MCM5: variants seen among roughly 807,000 people sequenced by gnomAD.
The protein encoded by MCM5 is minichromosome maintenance complex component 5, also known as DNA replication licensing factor MCM5.
Under a neutral mutation model 79.9 loss-of-function variants are expected in MCM5, and 46 were observed. The observed-to-expected ratio is 0.58, with a 90% CI of 0.45 to 0.74. MCM5 has a LOEUF of 0.74. Among genes scored for constraint, MCM5 ranks in the 30% least tolerant of loss-of-function variants. The pLI is 0.00. For synonymous variants in MCM5, 404 were observed against 390.5 expected (o/e 1.03, Z -0.41); for missense variants, 883 against 1,017.0 (o/e 0.87, Z 1.79).
In MCM5 at chr22:35,406,568, C is replaced by T; in HGVS notation, c.439C>T (p.His147Tyr). Reference sequence around the variant, plus strand: ...TCTATTACAGTCGGACATGATGTCACACCTGGTGAAGATCCCTGGCATCAT... The same window carrying T: ...TCTATTACAGTCGGACATGATGTCATACCTGGTGAAGATCCCTGGCATCAT... ...IRSLKSDMMS[H>Y]LVKIPGIIIA... Residue 147 changes from histidine to tyrosine, a missense_variant, in exon 5 of 17, where the codon CAC (histidine) becomes TAC (tyrosine). This residue lies in a region of MCM5 where 455 missense variants were observed against 517.5 expected (regional missense o/e 0.88). Coordinates refer to ENST00000216122, the MANE Select transcript of MCM5 (RefSeq NM_006739.4). 1 of 1,613,670 alleles carries T rather than the reference C, an allele frequency of 6.2e-7. No individual in the cohort carries two copies. Among genetic ancestry groups the T allele is most frequent in the Admixed American group, 1.7e-5 (1 of 59,972 alleles).
intron 10 of MCM5, 115 bp from the exon 11 acceptor site, chr22:35,416,224 G>T: frequency 1.8e-6 from 2 of 1,095,920 alleles, no homozygotes; most frequent in Admixed American, 3.6e-5. Flanking sequence ...GCTGCCATTG[G>T]CCTTGCGTGG....
rs763729545 is a variant in MCM5, at chr22:35,403,254, T to C, written c.215T>C (p.Val72Ala). The change falls in exon 3 of 17, where the codon GTG becomes GCG. Residue 72 changes from valine (V) to alanine (A), a missense_variant. Val to Ala is a moderately conservative substitution (Grantham distance 64). Around this residue, in one of 3 missense-constraint regions of MCM5, gnomAD observed 455 missense variants for 517.5 expected, o/e 0.88. Coordinates refer to ENST00000216122, the MANE Select transcript of MCM5 (RefSeq NM_006739.4). ...HYNLGEYWIE[V>A]EMEDLASFDE... Reference sequence around the variant, plus strand: ...AACCTGGGGGAGTACTGGATTGAGGTGGAGATGGAGGATCTGGCCAGCTTT... The same window carrying C: ...AACCTGGGGGAGTACTGGATTGAGGCGGAGATGGAGGATCTGGCCAGCTTT... The C allele has an allele frequency of 6.2e-7, 1 of 1,614,010 alleles. No homozygotes were observed. Among genetic ancestry groups the C allele is most frequent in the South Asian group, 1.1e-5 (1 of 91,068 alleles).
chr22:35,423,086 C>G, intron 15 of MCM5, 128 bp from the exon 16 acceptor site: 1 of 1,008,788 alleles, frequency 9.9e-7, no homozygotes, highest in Non-Finnish European at 1.4e-6. Flanking sequence ...CTGGCACACT[C>G]GGTGCCCTTT....
chr22:35,444,505 G>A, the MCM5 span, among the ~76,000 whole-genome samples: 24 of 152,148 alleles, frequency 1.6e-4, no homozygotes, highest in Admixed American at 1.4e-3. Context: ...CTCCTGGGCT[G>A]TCGCGGCCCA....
chr22:35,451,538 C>A, the MCM5 span, among the ~76,000 whole-genome samples: 3 of 152,250 alleles, frequency 2.0e-5, no homozygotes, highest in African/African-American at 7.2e-5. Flanking sequence ...AGACGGGCCT[C>A]GAGCCTGGCA....
chr22:35,423,444 G>C, intron 16 of MCM5, 103 bp downstream of exon 16: 2 of 1,333,946 alleles, frequency 1.5e-6, no homozygotes, highest in Non-Finnish European at 2.0e-6. Flanking sequence ...GACAGGCCCT[G>C]AACGGGGGTA....
chr22:35,432,257 G>C, the MCM5 span, among the ~76,000 whole-genome samples: 1 of 152,196 alleles, frequency 6.6e-6, no homozygotes, highest in Non-Finnish European at 1.5e-5. Flanking sequence ...CCAGCATGAA[G>C]AGCCTTGTGA....
the MCM5 span, among the ~76,000 whole-genome samples, chr22:35,435,472 G>A: frequency 1.3e-5 from 2 of 152,202 alleles, no homozygotes; most frequent in East Asian, 3.9e-4. Flanking sequence ...GAAGGTGGTG[G>A]CCACCGGGCC....
At chr22:35,410,535 C>G in intron 6 of MCM5, 3 of 559,380 alleles carry the variant, frequency 5.4e-6, no homozygotes, top group Non-Finnish European at 9.9e-6. Context: ...TGGGCAACAC[C>G]ATCCTCCAAG....
intron 4 of MCM5, among the ~76,000 whole-genome samples, chr22:35,405,802 G>C (rs1932194758): frequency 6.6e-6 from 1 of 151,792 alleles, no homozygotes; most frequent in South Asian, 2.1e-4. Context: ...CTGAGGTCAA[G>C]AGTTCGAGAC....
chr22:35,421,427 A>G lies in MCM5; in HGVS notation c.1942A>G (p.Thr648Ala). ...GGCCCTGCGGCTCTTCCAAGTGTCC[A>G]CGTTGGATGCTGCCTTGTCCGGTAC... Reference protein sequence around the residue: ...EEALRLFQVSTLDAALSGTLS... With the variant: ...EEALRLFQVSALDAALSGTLS... The change falls in exon 15 of 17, where the codon ACG (threonine) becomes GCG (alanine). Residue 648 changes from threonine to alanine, a missense_variant. Thr to Ala is a moderately conservative substitution (Grantham distance 58). Coordinates refer to ENST00000216122, the MANE Select transcript of MCM5 (RefSeq NM_006739.4). The G allele has an allele frequency of 6.2e-7, 1 of 1,614,172 alleles. No homozygotes were observed. Among genetic ancestry groups the G allele is most frequent in the Non-Finnish European group, 8.5e-7 (1 of 1,180,030 alleles).
At chr22:35,429,988 G>A (rs1315335602), downstream of MCM5, among the ~76,000 whole-genome samples, 1 of 152,138 alleles carries the variant, frequency 6.6e-6, no homozygotes, top group East Asian at 1.9e-4. Context: ...GGGCTTTTCT[G>A]GTGTTAACAC....
chr22:35,439,605 ATCT>A, the MCM5 span, among the ~76,000 whole-genome samples: 3 of 152,330 alleles, frequency 2.0e-5, no homozygotes, highest in Non-Finnish European at 2.9e-5. Flanking sequence ...TACTTAGGTT[ATCT>A]TCTTCCCTCC....
the MCM5 span, among the ~76,000 whole-genome samples, chr22:35,447,425 C>CT: frequency 1.3e-5 from 2 of 150,708 alleles, no homozygotes; most frequent in Admixed American, 1.3e-4. Context: ...GGGTGTGGGG[C>CT]TTATGGACTT....
At chr22:35,450,956 G>A in the MCM5 span, among the ~76,000 whole-genome samples, 1 of 152,202 alleles carries the variant, frequency 6.6e-6, no homozygotes, top group African/African-American at 2.4e-5. Flanking sequence ...CATAACAAGT[G>A]CTCAAGTGGT....
chr22:35,404,777 G>T (rs1048816533), intron 4 of MCM5, among the ~76,000 whole-genome samples: 4 of 152,168 alleles, frequency 2.6e-5, no homozygotes, highest in African/African-American at 9.7e-5. Flanking sequence ...TGGTTCTCTC[G>T]TTCAGCCGGA....
At chr22:35,405,731 C>T (rs1361326291) in intron 4 of MCM5, among the ~76,000 whole-genome samples, 10 of 152,004 alleles carry the variant, frequency 6.6e-5, no homozygotes, top group South Asian at 4.2e-4. Flanking sequence ...ACATTACGGC[C>T]GGGCGCGGTG....
chr22:35,403,144 G>T, intron 2 of MCM5, 63 bp from the exon 3 acceptor site: 1 of 1,592,086 alleles, frequency 6.3e-7, no homozygotes, highest in Non-Finnish European at 8.6e-7. Context: ...GCACACCTCA[G>T]CCAGTGTTGG....
chr22:35,410,856 A>G lies in MCM5; in HGVS notation c.865A>G (p.Ile289Val). 3 of 1,613,530 alleles carry G rather than the reference A, an allele frequency of 1.9e-6. No homozygotes were observed. The highest frequency in any genetic ancestry group is 2.5e-6 in the Non-Finnish European group (3 of 1,179,532). Reference protein sequence around the residue: ...SRGRDRVGVGIRSSYIRVLGI... With the variant: ...SRGRDRVGVGVRSSYIRVLGI... ...GGGCCGTGACAGGGTGGGCGTGGGC[A>G]TCCGAAGCTCCTACATCCGTGTCCT... is the stretch of plus-strand genomic sequence containing the variant. The change falls in exon 7 of 17, where the codon ATC becomes GTC. Residue 289 changes from isoleucine (I) to valine (V), a missense_variant. Physicochemically the swap from Ile to Val is conservative, Grantham distance 29 (BLOSUM62 3). Coordinates refer to ENST00000216122, the MANE Select transcript of MCM5 (RefSeq NM_006739.4).
Sources: allele counts gnomAD v4.1 joint callset (sites outside exome capture counted in the v4.1 genomes callset), GRCh38; gene constraint gnomAD v4.1.1; regional missense constraint gnomAD v4.1.1; transcripts MANE v1.5; gene names NCBI Gene and HGNC (gene_info 2026-07-23, HGNC 2026-07-21).